Variants in ATP10A observed in about 807,000 individuals in gnomAD.
ATP10A encodes phospholipid-transporting ATPase VA.
Under a neutral mutation model 147.8 loss-of-function variants are expected in ATP10A, and 111 were observed. The observed-to-expected ratio is 0.75, with a 90% confidence interval of 0.64 to 0.88. The LOEUF (loss-of-function observed/expected upper bound fraction) is 0.88. ATP10A is among the 40% of genes least tolerant of loss of function. The pLI, the probability that ATP10A is intolerant of heterozygous loss-of-function variation, is 0.00. For synonymous variants in ATP10A, 875 were observed against 841.6 expected, an observed-to-expected ratio of 1.04 and a Z score of -0.69; for missense variants, 1,927 against 1,959.0, an observed-to-expected ratio of 0.98 and a Z score of 0.31.
chr15:25,844,762 C>T (rs1361619458), intron 1 of ATP10A, among the ~76,000 whole-genome samples: 4 of 152,202 alleles, frequency 2.6e-5, no homozygotes, highest in Non-Finnish European at 5.9e-5. Flanking sequence ...ACAGCCAGCA[C>T]TTGTGGACCC....
chr15:25,864,029 C>T (rs188230457), upstream of ATP10A, among the ~76,000 whole-genome samples: 11 of 152,248 alleles, frequency 7.2e-5, no homozygotes, highest in East Asian at 2.1e-3. Context: ...TGTCTGTTTC[C>T]CTCCCTGGGA....
At chr15:25,836,058 C>T (rs1464504569) in intron 1 of ATP10A, among the ~76,000 whole-genome samples, 1 of 152,188 alleles carries the variant, frequency 6.6e-6, no homozygotes, top group East Asian at 1.9e-4. Context: ...CGTGATCCGC[C>T]CACCTCGGGC....
rs543118168 is a variant in ATP10A, at chr15:25,850,725, A to C, written c.449+11923T>G. On this transcript the variant is annotated intron_variant, in intron 1 of 20. Coordinates refer to ENST00000555815, the MANE Select transcript of ATP10A (RefSeq NM_024490.4). ...CACCCCCCAAGACCTGGCCGCGCTC[A>C]CCTCCCCTCCTGCACAGAGCACCTA... Among the ~76,000 whole-genome samples, 273 of 132,058 alleles carry C rather than the reference A, an allele frequency of 2.1e-3. 1 individual carries two copies. The highest frequency in any genetic ancestry group is 7.3e-3 in the African/African-American group (253 of 34,818). The allele number at this position is 132,058 out of a possible 152,430, so 86.6% of individuals were successfully genotyped here.
At chr15:25,740,614 G>C (rs1178691120) in intron 2 of ATP10A, among the ~76,000 whole-genome samples, 1 of 152,224 alleles carries the variant, frequency 6.6e-6, no homozygotes, top group Non-Finnish European at 1.5e-5. Context: ...AGGTCACAAG[G>C]AGGGTGAGGT....
chr15:25,781,205 C>A lies in ATP10A; in HGVS notation c.468G>T (p.Val156=). The A allele has an allele frequency of 6.2e-7, 1 of 1,613,826 alleles. No homozygotes were observed. The highest frequency in any genetic ancestry group is 8.5e-7 in the Non-Finnish European group (1 of 1,179,834). The change falls in exon 2 of 21, where the codon GTG becomes GTT. Residue 156 remains valine, a synonymous_variant. Transcript: ENST00000555815. Reference sequence around the variant, plus strand: ...CGTGGATTTCTTTCCAGAATCGGTTCACGTATTTCTTTTCTTCCCTAGAAA... The same window carrying A: ...CGTGGATTTCTTTCCAGAATCGGTTAACGTATTTCTTTTCTTCCCTAGAAA... ...LVFSREEKKY[V]NRFWKEIHVG... is the part of the protein sequence containing the mutation.
rs368870534 is a variant in ATP10A, at chr15:25,716,943, G to A, written c.1582-19C>T. Reference sequence around the variant, plus strand: ...CCTTCTCCTGGGAGAAAGGGAGGCTGGCAGTGAGTCCCACCCAGTAGCCTG... The same window carrying A: ...CCTTCTCCTGGGAGAAAGGGAGGCTAGCAGTGAGTCCCACCCAGTAGCCTG... On this transcript the variant is annotated intron_variant, in intron 8 of 20. Transcript: ENST00000555815. 27 of 1,541,778 alleles carry A rather than the reference G, an allele frequency of 1.8e-5. 1 individual carries two copies. The Middle Eastern group carries it at 1.4e-3, about 80-fold the overall frequency.
rs758901597 is a variant in ATP10A at position 25,680,811 on chromosome 15, C to A, written c.3677G>T (p.Trp1226Leu). The A allele has an allele frequency of 1.9e-6, 3 of 1,612,678 alleles. No homozygotes were observed. The African/African-American group carries it at 4.0e-5, about 22-fold the overall frequency. Reference sequence around the variant, plus strand: ...CGTGGCCATGCAGGCGGCTCTTACCCAGGTTTTGGTTTCAATGCCCAGGTG... The same window carrying A: ...CGTGGCCATGCAGGCGGCTCTTACCAAGGTTTTGGTTTCAATGCCCAGGTG... ...LLHLGIETKT[W>L]TWLNWITCGF... Residue 1226 changes from tryptophan to leucine, a missense_variant and splice_region_variant, in exon 19 of 21, where the codon TGG (tryptophan) becomes TTG (leucine). By Grantham distance (61) the Trp-to-Leu change is moderately conservative (BLOSUM62 -2). Coordinates refer to ENST00000555815, the MANE Select transcript of ATP10A (RefSeq NM_024490.4).
intron 17 of ATP10A, among the ~76,000 whole-genome samples, chr15:25,681,947 A>T (rs569028016): frequency 2.0e-5 from 3 of 151,728 alleles, no homozygotes; most frequent in Non-Finnish European, 4.4e-5. Context: ...CCAGCTACTC[A>T]GGAGGCTGAG....
intron 1 of ATP10A, among the ~76,000 whole-genome samples, chr15:25,784,654 G>A (rs1890074819): frequency 6.6e-6 from 1 of 152,206 alleles, no homozygotes; most frequent in African/African-American, 2.4e-5. Flanking sequence ...GCCAGGTGCA[G>A]TGGCTCACGC....
At chr15:25,859,418 G>C (rs561180719) in intron 1 of ATP10A, among the ~76,000 whole-genome samples, 1 of 152,142 alleles carries the variant, frequency 6.6e-6, no homozygotes, top group African/African-American at 2.4e-5. Flanking sequence ...CTTCCCACCC[G>C]GGGCTGTGGG....
downstream of ATP10A, among the ~76,000 whole-genome samples, chr15:25,676,464 C>G (rs953695552): frequency 2.0e-5 from 3 of 152,246 alleles, no homozygotes; most frequent in African/African-American, 7.2e-5. Flanking sequence ...CCTGCATTTT[C>G]TAGTCACAAA....
At chr15:25,806,366 G>A (rs1004456927) in intron 1 of ATP10A, among the ~76,000 whole-genome samples, 9 of 151,666 alleles carry the variant, frequency 5.9e-5, no homozygotes, top group Non-Finnish European at 1.0e-4. Flanking sequence ...AGGCTGGAGT[G>A]CAGTGGCACG....
intron 2 of ATP10A, among the ~76,000 whole-genome samples, chr15:25,768,713 G>A (rs1373389563): frequency 9.6e-6 from 1 of 103,932 alleles, no homozygotes; most frequent in African/African-American, 3.7e-5. Context: ...TTTTTTGGTA[G>A]CAATAGGGTC....
In ATP10A at chr15:25,828,855, G is replaced by A. The variant is rs567784269; in HGVS notation, c.449+33793C>T. ...GCTGTTGTAAAAACTGACTATCCTC[G>A]GGCACTGTGATCTTTGACTGCATCA... On this transcript the variant is annotated intron_variant, in intron 1 of 20. Coordinates refer to ENST00000555815, the MANE Select transcript of ATP10A (RefSeq NM_024490.4). Among the ~76,000 whole-genome samples, 8 of 152,192 alleles carry A rather than the reference G, an allele frequency of 5.3e-5. No individual in the cohort carries two copies. In the East Asian group the frequency reaches 9.6e-4, roughly 18 times the overall value.
At chr15:25,706,380 G>A (rs547093923) in intron 12 of ATP10A, among the ~76,000 whole-genome samples, 1 of 152,272 alleles carries the variant, frequency 6.6e-6, no homozygotes, top group African/African-American at 2.4e-5. Flanking sequence ...CTGTGCCTGC[G>A]CCACGCTCAG....
chr15:25,730,458 C>G (rs1352663048), intron 3 of ATP10A, among the ~76,000 whole-genome samples: 1 of 152,176 alleles, frequency 6.6e-6, no homozygotes, highest in Non-Finnish European at 1.5e-5. Context: ...TCTCCCTGGT[C>G]ATGAGTCCCC....
At chr15:25,694,158 A>G (rs557896112) in intron 14 of ATP10A, among the ~76,000 whole-genome samples, 1 of 152,324 alleles carries the variant, frequency 6.6e-6, no homozygotes, top group South Asian at 2.1e-4. Context: ...TCCTGGAAGG[A>G]GGCGAGTGGC....
downstream of ATP10A, among the ~76,000 whole-genome samples, chr15:25,672,688 A>G (rs1381941066): frequency 6.6e-6 from 1 of 152,142 alleles, no homozygotes. Flanking sequence ...AGCCTTCTTA[A>G]TGGGGGTGAG....
At chr15:25,783,979 G>T (rs192765609) in intron 1 of ATP10A, among the ~76,000 whole-genome samples, 1 of 152,346 alleles carries the variant, frequency 6.6e-6, no homozygotes, top group East Asian at 1.9e-4. Context: ...GCTTACGAAG[G>T]CCAGTCGGAC....
Sources: gnomAD v4.1 joint callset for allele counts (sites outside exome capture counted in the v4.1 genomes callset) on GRCh38, gnomAD v4.1.1 for gene constraint, MANE v1.5 for transcripts, NCBI Gene and HGNC (gene_info 2026-07-23, HGNC 2026-07-21) for gene names.